The following KATNBL1 variants were observed in gnomAD, a reference collection of about 807,000 sequenced individuals.
KATNBL1 encodes katanin regulatory subunit B1 like 1.
In KATNBL1, 28 loss-of-function variants were observed where a neutral mutation model predicts 44.7. The ratio of observed to expected loss-of-function variants is 0.63; its 90% CI spans 0.46 to 0.86. The LOEUF (loss-of-function observed/expected upper bound fraction) is 0.86. KATNBL1 is among the 40% of genes least tolerant of loss of function. KATNBL1 has a pLI of 0.00. For missense variants in KATNBL1, 272 were observed against 350.7 expected, an observed-to-expected ratio of 0.78 and a Z score of 1.79; for synonymous variants, 78 against 114.9, an observed-to-expected ratio of 0.68 and a Z score of 2.06.
At chr15:34,151,421 T>C (rs1476123504) in intron 4 of KATNBL1, among the ~76,000 whole-genome samples, 4 of 150,086 alleles carry the variant, frequency 2.7e-5, no homozygotes, top group Non-Finnish European at 5.9e-5. Flanking sequence ...AAGTGTCTAT[T>C]GTGTCCTTTG....
At chr15:34,186,107 T>A (rs903054715) in intron 1 of KATNBL1, among the ~76,000 whole-genome samples, 1 of 152,202 alleles carries the variant, frequency 6.6e-6, no homozygotes, top group African/African-American at 2.4e-5. Context: ...TATTTATTAG[T>A]CCCTCGATCA....
At chr15:34,167,072 G>T (rs145513805) in intron 1 of KATNBL1, among the ~76,000 whole-genome samples, 5 of 152,288 alleles carry the variant, frequency 3.3e-5, no homozygotes, top group African/African-American at 7.2e-5. Context: ...ACCAGCAAGA[G>T]AACAAAACTG....
At chr15:34,164,287 C>T (rs1488970938) in intron 1 of KATNBL1, among the ~76,000 whole-genome samples, 3 of 152,190 alleles carry the variant, frequency 2.0e-5, no homozygotes, top group African/African-American at 7.2e-5. Context: ...TTCCATGTCA[C>T]TAGCCATTTA....
intron 2 of KATNBL1, among the ~76,000 whole-genome samples, chr15:34,158,992 G>A (rs911904307): frequency 3.9e-5 from 6 of 152,124 alleles, no homozygotes; most frequent in South Asian, 2.1e-4. Context: ...TGGGTTAAGC[G>A]AATTATCAGT....
Position 34,153,199 on chromosome 15 carries a change from A to T in KATNBL1, c.159-130T>A, listed in dbSNP as rs1850704518. ...TAAAATTAGAAATAAATAGAATTTT[A>T]AAAATCTTAATTCTGAGTTGAAGAG... On this transcript the variant is annotated intron_variant, in intron 3 of 9. Transcript: ENST00000256544. The T allele has an allele frequency of 7.0e-6, 4 of 569,374 alleles. No homozygotes were observed. The South Asian group carries it at 1.1e-4, about 15-fold the overall frequency. 35.3% of individuals were successfully genotyped at this position (569,374 alleles called of 1,614,324 possible). A position where few individuals can be genotyped will look rare whatever the true frequency, so the allele number is the denominator to read the frequency against.
intron 1 of KATNBL1, among the ~76,000 whole-genome samples, chr15:34,164,770 T>C (rs1331423179): frequency 6.6e-6 from 1 of 152,222 alleles, no homozygotes; most frequent in Non-Finnish European, 1.5e-5. Flanking sequence ...GGCGTTAATG[T>C]AGATGGTGCT....
intron 1 of KATNBL1, among the ~76,000 whole-genome samples, chr15:34,181,173 G>A (rs916467405): frequency 7.9e-5 from 12 of 151,380 alleles, no homozygotes; most frequent in Admixed American, 3.3e-4. Flanking sequence ...TGGTGTTCAA[G>A]TACATTTGGA....
chr15:34,197,811 G>A (rs537158059), intron 1 of KATNBL1, among the ~76,000 whole-genome samples: 113 of 152,258 alleles, frequency 7.4e-4, no homozygotes, highest in African/African-American at 2.6e-3. Context: ...GCAGTGGCAT[G>A]ATCTCGGCTT....
intron 4 of KATNBL1, among the ~76,000 whole-genome samples, chr15:34,151,198 T>G (rs1888458613): frequency 2.0e-5 from 3 of 152,198 alleles, no homozygotes; most frequent in Admixed American, 2.0e-4. Context: ...TAAATTACAT[T>G]GTCACCAGCA....
rs1185460238 is a variant in KATNBL1 at position 34,140,777 on chromosome 15, T to C, written c.*1562A>G. On this transcript the variant is annotated 3_prime_UTR_variant, in exon 10 of 10. Coordinates refer to ENST00000256544, the MANE Select transcript of KATNBL1 (RefSeq NM_024713.3). ...CCTGAAAACTGGCCTCTTAAATAAC[T>C]CACCTCTCAAATCACAGACGTGCAA... 2 of 152,126 alleles carry C rather than the reference T, an allele frequency of 1.3e-5. No individual in the cohort carries two copies. The highest frequency in any genetic ancestry group is 4.8e-5 in the African/African-American group (2 of 41,442). The allele number at this position is 152,126 out of a possible 1,614,324, so 9.4% of individuals were successfully genotyped here. A position where few individuals can be genotyped will look rare whatever the true frequency, so the allele number is the denominator to read the frequency against.
chr15:34,170,456 G>A (rs1202587209), intron 1 of KATNBL1, among the ~76,000 whole-genome samples: 3 of 152,132 alleles, frequency 2.0e-5, no homozygotes, highest in Non-Finnish European at 4.4e-5. Context: ...ACAAATGGAA[G>A]AACATTCCAT....
intron 1 of KATNBL1, among the ~76,000 whole-genome samples, chr15:34,180,340 C>T (rs1362377148): frequency 6.6e-6 from 1 of 152,034 alleles, no homozygotes; most frequent in Non-Finnish European, 1.5e-5. Context: ...TCATCAAAGT[C>T]AGCCAAGCCA....
intron 1 of KATNBL1, among the ~76,000 whole-genome samples, chr15:34,194,377 G>T (rs1342749582): frequency 6.6e-6 from 1 of 152,126 alleles, no homozygotes; most frequent in African/African-American, 2.4e-5. Context: ...GAAAGGCCAA[G>T]GCGGGAGTAG....
intron 1 of KATNBL1, among the ~76,000 whole-genome samples, chr15:34,192,209 C>G (rs1414990138): frequency 1.3e-5 from 2 of 151,850 alleles, no homozygotes; most frequent in Non-Finnish European, 2.9e-5. Context: ...TCGAGACCAT[C>G]CCAGCTAACA....
At chr15:34,174,549 A>T (rs1889264746) in intron 1 of KATNBL1, among the ~76,000 whole-genome samples, 1 of 152,242 alleles carries the variant, frequency 6.6e-6, no homozygotes, top group Non-Finnish European at 1.5e-5. Flanking sequence ...TTGATGGAGT[A>T]AATTCAGAAA....
intron 1 of KATNBL1, among the ~76,000 whole-genome samples, chr15:34,195,834 A>G (rs950491948): frequency 3.9e-5 from 6 of 152,230 alleles, no homozygotes; most frequent in Non-Finnish European, 7.3e-5. Flanking sequence ...GGAATATACA[A>G]AATAGTTATG....
At chr15:34,181,893 G>C (rs532741864) in intron 1 of KATNBL1, among the ~76,000 whole-genome samples, 1 of 103,238 alleles carries the variant, frequency 9.7e-6, no homozygotes, top group Non-Finnish European at 2.1e-5. Flanking sequence ...ATATATGGAT[G>C]GGGAGGAGAA....
At chr15:34,175,184 G>A (rs578043647) in intron 1 of KATNBL1, among the ~76,000 whole-genome samples, 129 of 151,052 alleles carry the variant, frequency 8.5e-4, no homozygotes, top group African/African-American at 3.0e-3. Context: ...TGTACATACA[G>A]GTTGAGTATC....
At chr15:34,177,432 G>C (rs2140958182) in intron 1 of KATNBL1, among the ~76,000 whole-genome samples, 1 of 152,034 alleles carries the variant, frequency 6.6e-6, no homozygotes, top group East Asian at 1.9e-4. Context: ...ATCATTTGAG[G>C]TCAGGAGTTT....
Sources: gnomAD v4.1 joint callset for allele counts (sites outside exome capture counted in the v4.1 genomes callset) on GRCh38, gnomAD v4.1.1 for gene constraint, MANE v1.5 for transcripts, NCBI Gene and HGNC (gene_info 2026-07-23, HGNC 2026-07-21) for gene names.